USP34: variants seen among roughly 807,000 people sequenced by gnomAD.
The protein encoded by USP34 is ubiquitin specific peptidase 34.
USP34 carries 70 observed loss-of-function variants against 460.3 expected under a neutral mutation model. The ratio of observed to expected loss-of-function variants is 0.15; its 90% CI spans 0.13 to 0.19. USP34 has a LOEUF of 0.19. Among genes scored for constraint, USP34 ranks in the 10% least tolerant of loss-of-function variants. USP34 has a pLI of 1.00. For synonymous variants in USP34, 1,647 were observed against 1,405.3 expected, an observed-to-expected ratio of 1.17 and a Z score of -3.85; for missense variants, 3,985 against 4,236.2, an observed-to-expected ratio of 0.94 and a Z score of 1.65.
intron 15 of USP34, among the ~76,000 whole-genome samples, chr2:61,347,096 T>C (rs1691794256): frequency 6.6e-6 from 1 of 151,898 alleles, no homozygotes. Flanking sequence ...GCCTAGATCG[T>C]GCCACTGCAC....
chr2:61,266,302 GA>G (rs1689042464), intron 41 of USP34, 135 bp from the exon 42 acceptor site: 2 of 793,732 alleles, frequency 2.5e-6, no homozygotes, highest in African/African-American at 3.4e-5. Flanking sequence ...ACCATCATCT[GA>G]AAGTCCTCCG....
At chr2:61,321,653 C>T (rs1690927338) in intron 21 of USP34, among the ~76,000 whole-genome samples, 3 of 152,168 alleles carry the variant, frequency 2.0e-5, no homozygotes, top group Admixed American at 2.0e-4. Flanking sequence ...CGAATTTTCA[C>T]ATAATTTATG....
At chr2:61,268,071 A>C (rs1422990020) in intron 41 of USP34, among the ~76,000 whole-genome samples, 1 of 152,156 alleles carries the variant, frequency 6.6e-6, no homozygotes, top group African/African-American at 2.4e-5. Flanking sequence ...TATTTTTATA[A>C]GCCTTTCACA....
chr2:61,209,824 G>C (rs1459448491), intron 69 of USP34, among the ~76,000 whole-genome samples: 1 of 152,200 alleles, frequency 6.6e-6, no homozygotes, highest in East Asian at 1.9e-4. Flanking sequence ...TGCCTCTGAA[G>C]ACCTCCCAAG....
chr2:61,411,416 A>C (rs554242816), intron 2 of USP34, among the ~76,000 whole-genome samples: 16 of 151,998 alleles, frequency 1.1e-4, no homozygotes, highest in Non-Finnish European at 1.5e-5. Context: ...TGAAAGCAAG[A>C]TAAGTGAAAT....
intron 76 of USP34, 196 bp from the exon 77 acceptor site, chr2:61,190,854 T>TAA: frequency 1.8e-6 from 1 of 562,558 alleles, no homozygotes; most frequent in Non-Finnish European, 2.9e-6. Context: ...CAGTAAAATG[T>TAA]TACTAATTTA....
chr2:61,204,423 A>T, intron 73 of USP34, 43 bp from the exon 74 acceptor site: 1 of 1,613,492 alleles, frequency 6.2e-7, no homozygotes, highest in Non-Finnish European at 8.5e-7. Flanking sequence ...TGGAAAAAAT[A>T]AATCTCCATG....
intron 3 of USP34, among the ~76,000 whole-genome samples, chr2:61,403,792 C>A (rs866332603): frequency 5.9e-5 from 9 of 152,026 alleles, no homozygotes; most frequent in African/African-American, 1.9e-4. Context: ...TCGAGACCAT[C>A]CTGGCTAACA....
chr2:61,372,335 G>T (rs1019524595), intron 8 of USP34, among the ~76,000 whole-genome samples: 1 of 151,898 alleles, frequency 6.6e-6, no homozygotes, highest in East Asian at 1.9e-4. Flanking sequence ...CTGAAGTTAC[G>T]ATACATAAAA....
At chr2:61,211,586 A>G (rs1650117921) in intron 69 of USP34, among the ~76,000 whole-genome samples, 186 bp downstream of exon 69, 1 of 152,224 alleles carries the variant, frequency 6.6e-6, no homozygotes, top group East Asian at 1.9e-4. Context: ...ATGATAAAAC[A>G]TACACAAATA....
intron 41 of USP34, among the ~76,000 whole-genome samples, chr2:61,271,552 T>C (rs1177426664): frequency 6.6e-6 from 1 of 151,664 alleles, no homozygotes; most frequent in Non-Finnish European, 1.5e-5. Flanking sequence ...ATAGGAATGA[T>C]ACTCATACTT....
chr2:61,379,208 A>G (rs929823499), intron 7 of USP34, among the ~76,000 whole-genome samples: 1 of 152,138 alleles, frequency 6.6e-6, no homozygotes, highest in Non-Finnish European at 1.5e-5. Flanking sequence ...CTACACTACC[A>G]AAACAAAACA....
At position 61,368,491 on chromosome 2, in the gene USP34, T is replaced by C. The variant is rs186328477; in HGVS notation, c.1251+1830A>G. 2.6e-5 allele frequency among the ~76,000 whole-genome samples: 4 copies of C among 151,300 alleles called. No homozygotes were observed. In the East Asian group the frequency reaches 7.7e-4, roughly 29 times the overall value. On this transcript the variant is annotated intron_variant, in intron 10 of 79. Coordinates refer to ENST00000398571, the MANE Select transcript of USP34 (RefSeq NM_014709.4). ...GCAAGAATTTCCAAAAACAGATAGC[T>C]GGCCCACAGACTATAAGTTTACCAA...
intron 1 of USP34, among the ~76,000 whole-genome samples, chr2:61,459,626 A>C (rs1695541917): frequency 6.6e-6 from 1 of 151,950 alleles, no homozygotes; most frequent in African/African-American, 2.4e-5. Flanking sequence ...AATACAAAAG[A>C]ATTAGCCGAG....
At chr2:61,425,268 C>T (rs1694479008) in intron 1 of USP34, among the ~76,000 whole-genome samples, 1 of 152,044 alleles carries the variant, frequency 6.6e-6, no homozygotes, top group Admixed American at 6.6e-5. Context: ...ACTCATAGTA[C>T]CTGGTTTTAA....
chr2:61,188,034 C>A lies in USP34; in HGVS notation c.*68G>T. 6.5e-7 allele frequency: 1 copy of A among 1,533,718 alleles called. No homozygotes were observed. Among genetic ancestry groups the A allele is most frequent in the Non-Finnish European group, 8.7e-7 (1 of 1,144,046 alleles). On this transcript the variant is annotated 3_prime_UTR_variant, in exon 80 of 80. Coordinates refer to ENST00000398571, the MANE Select transcript of USP34 (RefSeq NM_014709.4). ...AAACTGAAGCACAAAAACAAATAAG[C>A]AAAACTTATACAAACAGCATGGGGG...
At chr2:61,197,474 C>A (rs1686842847) in intron 75 of USP34, among the ~76,000 whole-genome samples, 1 of 152,160 alleles carries the variant, frequency 6.6e-6, no homozygotes. Context: ...CTGTAGTCTA[C>A]CCCAGATTTA....
chr2:61,456,195 G>C (rs759897409), intron 1 of USP34, among the ~76,000 whole-genome samples: 1 of 152,214 alleles, frequency 6.6e-6, no homozygotes, highest in Non-Finnish European at 1.5e-5. Flanking sequence ...ATATCCGTGG[G>C]CTTACTGCCC....
chr2:61,278,043 T>G, intron 41 of USP34, 122 bp downstream of exon 41: 14 of 1,239,018 alleles, frequency 1.1e-5, no homozygotes, highest in Non-Finnish European at 1.5e-5. Context: ...CCCTTTTCTT[T>G]TGTAAACTGC....
Sources: gnomAD v4.1 joint callset for allele counts (sites outside exome capture counted in the v4.1 genomes callset) on GRCh38, gnomAD v4.1.1 for gene constraint, MANE v1.5 for transcripts, NCBI Gene and HGNC (gene_info 2026-07-23, HGNC 2026-07-21) for gene names.